Variants in RPS6KA2 observed in about 807,000 individuals in gnomAD.
RPS6KA2 encodes ribosomal protein S6 kinase A2.
Under a neutral mutation model 91.8 loss-of-function variants are expected in RPS6KA2, and 42 were observed. The ratio of observed to expected loss-of-function variants is 0.46; its 90% CI spans 0.36 to 0.59. RPS6KA2 has a LOEUF of 0.59. Among genes scored for constraint, RPS6KA2 ranks in the 20% least tolerant of loss-of-function variants. The pLI, the probability that RPS6KA2 is intolerant of heterozygous loss-of-function variation, is 0.00. For missense variants in RPS6KA2, 798 were observed against 978.5 expected (o/e 0.82, Z 2.46); for synonymous variants, 414 against 393.6 (o/e 1.05, Z -0.61).
chr6:166,704,962 G>T (rs910953148), intron 2 of RPS6KA2, among the ~76,000 whole-genome samples: 22 of 152,158 alleles, frequency 1.4e-4, no homozygotes, highest in African/African-American at 5.3e-4. Flanking sequence ...TTTGTGCTCT[G>T]GTTACAGAAT....
chr6:166,783,913 CCA>C (rs1778853454), intron 2 of RPS6KA2, among the ~76,000 whole-genome samples: 2 of 48,752 alleles, frequency 4.1e-5, no homozygotes, highest in Non-Finnish European at 7.3e-5. Flanking sequence ...CTACGCATCA[CCA>C]CATATGCACA....
chr6:166,413,850 T>A lies in RPS6KA2; in HGVS notation c.2020A>T (p.Asn674Tyr). The A allele has an allele frequency of 6.2e-7, 1 of 1,614,224 alleles. No individual in the cohort carries two copies. Among genetic ancestry groups the A allele is most frequent in the Admixed American group, 1.7e-5 (1 of 60,022 alleles). ...MQVLKHPWVV[N>Y]REYLSPNQLS... Reference sequence around the variant, plus strand: ...TGGTTTGGGGACAGGTACTCTCTGTTGACCACCCACGGGTGTTTGAGCACT... The same window carrying A: ...TGGTTTGGGGACAGGTACTCTCTGTAGACCACCCACGGGTGTTTGAGCACT... Residue 674 changes from asparagine (N) to tyrosine (Y), a missense_variant, in exon 20 of 21, where the codon AAC becomes TAC. Physicochemically the swap from Asn to Tyr is moderately radical, Grantham distance 143. Coordinates refer to ENST00000265678, the MANE Select transcript of RPS6KA2 (RefSeq NM_021135.6).
intron 6 of RPS6KA2, among the ~76,000 whole-genome samples, 161 bp from the exon 7 acceptor site, chr6:166,501,085 C>T (rs1562537835): frequency 6.6e-6 from 1 of 152,148 alleles, no homozygotes; most frequent in Non-Finnish European, 1.5e-5. Flanking sequence ...TGCGGTGGGC[C>T]TTCCCATCCT....
chr6:166,798,405 C>T (rs541494537), intron 2 of RPS6KA2, among the ~76,000 whole-genome samples: 56 of 152,252 alleles, frequency 3.7e-4, no homozygotes, highest in Non-Finnish European at 5.1e-4. Context: ...GTGGACAACT[C>T]TGCTATTGAT....
intron 2 of RPS6KA2, among the ~76,000 whole-genome samples, chr6:166,637,302 C>T (rs914443346): frequency 6.6e-5 from 10 of 152,202 alleles, no homozygotes; most frequent in East Asian, 1.9e-4. Flanking sequence ...AGGGGCCATG[C>T]GAAGTCCTCA....
chr6:166,587,066 A>G (rs1785198918), intron 1 of RPS6KA2, among the ~76,000 whole-genome samples: 1 of 152,214 alleles, frequency 6.6e-6, no homozygotes, highest in East Asian at 1.9e-4. Flanking sequence ...TGGAGCTACA[A>G]AGAAGAAGCC....
chr6:166,731,863 C>G (rs184458632), intron 2 of RPS6KA2, among the ~76,000 whole-genome samples: 126 of 152,144 alleles, frequency 8.3e-4, no homozygotes, highest in Non-Finnish European at 1.4e-3. Flanking sequence ...AAAGGACTCC[C>G]CCGGGGCCAT....
At chr6:166,640,525 C>T (rs1463697010) in intron 2 of RPS6KA2, among the ~76,000 whole-genome samples, 1 of 152,170 alleles carries the variant, frequency 6.6e-6, no homozygotes, top group Non-Finnish European at 1.5e-5. Context: ...GGAGGCAGCA[C>T]CGCCCTTCCC....
chr6:166,433,024 C>G lies in RPS6KA2; in HGVS notation c.1333-534G>C, dbSNP rs1419576634. 1.3e-5 allele frequency among the ~76,000 whole-genome samples: 2 copies of G among 148,576 alleles called. No homozygotes were observed. Among genetic ancestry groups the G allele is most frequent in the African/African-American group, 2.5e-5 (1 of 40,006 alleles). On this transcript the variant is annotated intron_variant, in intron 14 of 20. Coordinates refer to ENST00000265678, the MANE Select transcript of RPS6KA2 (RefSeq NM_021135.6). This position sits in a 1 kb window ranked among gnomAD's most constrained non-coding sequence, Gnocchi z 4.4. ...AAAAAAAAAAAAAAGGAGTACAAGA[C>G]TTCAGACATGAATTTTAAGGTGTTA...
intron 2 of RPS6KA2, among the ~76,000 whole-genome samples, chr6:166,730,429 G>A (rs1790477219): frequency 6.6e-6 from 1 of 152,194 alleles, no homozygotes; most frequent in Non-Finnish European, 1.5e-5. Flanking sequence ...ATAAAATTAT[G>A]TGGATGTTAT....
chr6:166,691,105 ACT>A (rs1222404531), intron 2 of RPS6KA2, among the ~76,000 whole-genome samples: 16 of 152,244 alleles, frequency 1.1e-4, no homozygotes, highest in African/African-American at 3.9e-4. Flanking sequence ...AGCGTTGCCA[ACT>A]CATGCCGGGA....
chr6:166,464,296 T>G lies in RPS6KA2; in HGVS notation c.973-4745A>C, dbSNP rs150915313. On this transcript the variant is annotated intron_variant, in intron 11 of 20. Transcript: ENST00000265678. Reference sequence around the variant, plus strand: ...CACCGAGCGACCTCAAGCTTCTCATTGTCCTGTGCCTCAGTCTCCTCTACA... The same window carrying G: ...CACCGAGCGACCTCAAGCTTCTCATGGTCCTGTGCCTCAGTCTCCTCTACA... Among the ~76,000 whole-genome samples the G allele has an allele frequency of 6.7e-4, 102 of 152,336 alleles. 2 individuals carry two copies. In the East Asian group the frequency reaches 0.016, roughly 24 times the overall value.
intron 2 of RPS6KA2, among the ~76,000 whole-genome samples, chr6:166,736,006 TAAAG>T (rs770889584): frequency 1.2e-4 from 18 of 152,218 alleles, no homozygotes; most frequent in Non-Finnish European, 2.1e-4. Context: ...TCCCAAGTGA[TAAAG>T]ACCATGGTAA....
chr6:166,785,328 G>T (rs946066951), intron 2 of RPS6KA2, among the ~76,000 whole-genome samples: 2 of 152,176 alleles, frequency 1.3e-5, no homozygotes, highest in East Asian at 3.8e-4. Context: ...CAGTTCTGCC[G>T]GCCTCAGTCT....
chr6:166,820,384 G>C (rs544636296), intron 2 of RPS6KA2, among the ~76,000 whole-genome samples: 1 of 152,102 alleles, frequency 6.6e-6, no homozygotes, highest in East Asian at 1.9e-4. Flanking sequence ...CTCTCACCTG[G>C]GTCTCAAATT....
chr6:166,618,815 G>A (rs186178366), intron 1 of RPS6KA2, among the ~76,000 whole-genome samples: 298 of 152,350 alleles, frequency 2.0e-3, no homozygotes, highest in Middle Eastern at 3.4e-3. Context: ...TCCATCAGTT[G>A]TTGTTCTGCT....
At chr6:166,534,662 G>A (rs999657539) in intron 2 of RPS6KA2, among the ~76,000 whole-genome samples, 11 of 152,174 alleles carry the variant, frequency 7.2e-5, no homozygotes, top group East Asian at 1.9e-4. Context: ...TTTCTCTCTC[G>A]TATGTTAGGC....
At chr6:166,673,527 C>T (rs977959756) in intron 2 of RPS6KA2, among the ~76,000 whole-genome samples, 5 of 152,168 alleles carry the variant, frequency 3.3e-5, no homozygotes, top group Admixed American at 6.5e-5. Flanking sequence ...CTGCAGAGCA[C>T]CTGGCCCTGA....
rs568237529 is a variant in RPS6KA2, at chr6:166,603,409, T to C, written c.99+23512A>G. On this transcript the variant is annotated intron_variant, in intron 1 of 20. Coordinates refer to ENST00000265678, the MANE Select transcript of RPS6KA2 (RefSeq NM_021135.6). The surrounding 1 kb of genome is among the most constrained non-coding windows in gnomAD (Gnocchi z 4.3). ...GGCAGAGCTCTGGGAGGCCGAGTGG[T>C]GACTTCCTCCAGTCCAGCATCCACC... 2.7e-4 allele frequency among the ~76,000 whole-genome samples: 41 copies of C among 152,296 alleles called. 1 individual carries two copies. The highest frequency in any genetic ancestry group is 8.2e-4 in the African/African-American group (34 of 41,562).
Sources: allele counts gnomAD v4.1 joint callset (sites outside exome capture counted in the v4.1 genomes callset), GRCh38; gene constraint gnomAD v4.1.1; non-coding constraint Gnocchi (gnomAD v3.1); transcripts MANE v1.5; gene names NCBI Gene and HGNC (gene_info 2026-07-23, HGNC 2026-07-21).